Variants in SORL1-AS1 observed in about 807,000 individuals in gnomAD.
The protein encoded by SORL1-AS1 is lncRNA 51 A.
At chr11:121,439,596 C>T in the SORL1-AS1 span, among the ~76,000 whole-genome samples, 42 of 151,902 alleles carry the variant, frequency 2.8e-4, no homozygotes, top group African/African-American at 9.7e-4. Context: ...GCAGCTTTGT[C>T]GGTAAAATAA....
At chr11:121,445,768 T>G (rs367874562), downstream of SORL1-AS1, among the ~76,000 whole-genome samples, 1 of 152,048 alleles carries the variant, frequency 6.6e-6, no homozygotes, top group South Asian at 2.1e-4. Flanking sequence ...TCATCTTTTT[T>G]CCCCCCAAGA....
downstream of SORL1-AS1, among the ~76,000 whole-genome samples, chr11:121,443,302 G>A (rs560920514): frequency 2.6e-5 from 4 of 152,312 alleles, no homozygotes; most frequent in Admixed American, 2.0e-4. Context: ...ATGAATTCCC[G>A]ATTAGGACAA....
exon 2 of SORL1-AS1, chr11:121,448,118 T>C (rs1295360747): frequency 6.6e-6 from 1 of 152,228 alleles, no homozygotes; most frequent in Admixed American, 6.5e-5. Context: ...AATTCTCGCT[T>C]TGGCCCACTT....
chr11:121,444,121 A>G (rs1860696771), downstream of SORL1-AS1, among the ~76,000 whole-genome samples: 1 of 151,512 alleles, frequency 6.6e-6, no homozygotes, highest in Non-Finnish European at 1.5e-5. Context: ...TCTGTGTGTC[A>G]GAGAGAAAGA....
At chr11:121,439,659 C>T in the SORL1-AS1 span, among the ~76,000 whole-genome samples, 6 of 152,070 alleles carry the variant, frequency 3.9e-5, no homozygotes, top group Non-Finnish European at 7.4e-5. Flanking sequence ...AGCACAAATA[C>T]AGCACTGAGT....
At chr11:121,446,813 G>C (rs555531546), downstream of SORL1-AS1, among the ~76,000 whole-genome samples, 1 of 151,510 alleles carries the variant, frequency 6.6e-6, no homozygotes, top group Non-Finnish European at 1.5e-5. Flanking sequence ...TAGTCTGACT[G>C]TCTGCTTTCC....
At chr11:121,447,397 T>C in exon 2 of SORL1-AS1, 1 of 149,812 alleles carries the variant, frequency 6.7e-6, no homozygotes. Flanking sequence ...ACTGCAGCCC[T>C]GACCTCCTGG....
chr11:121,441,670 C>T, the SORL1-AS1 span, among the ~76,000 whole-genome samples: 1 of 152,086 alleles, frequency 6.6e-6, no homozygotes, highest in Admixed American at 6.5e-5. Flanking sequence ...CTTTCTCCTT[C>T]CCACTGGGTG....
chr11:121,451,817 G>GTGGGGA (rs1466847755), intron 1 of SORL1-AS1, among the ~76,000 whole-genome samples: 1 of 152,202 alleles, frequency 6.6e-6, no homozygotes, highest in African/African-American at 2.4e-5. Context: ...TTCCCTGGAG[G>GTGGGGA]TGGGGATGAG....
chr11:121,452,868 T>G lies in SORL1-AS1; in HGVS notation n.146A>C. The G allele has an allele frequency of 2.4e-6, 1 of 413,430 alleles. No individual in the cohort carries two copies. The highest frequency in any genetic ancestry group is 4.3e-6 in the Non-Finnish European group (1 of 233,556). 25.6% of individuals were successfully genotyped at this position (413,430 alleles called of 1,614,324 possible). ...GCAGTGCGTATTACCCCAGGGTGTGTGCAGAGAGATGTAGTTTCCGGCAGG... is the reference window on the plus strand; with the variant it reads ...GCAGTGCGTATTACCCCAGGGTGTGGGCAGAGAGATGTAGTTTCCGGCAGG... On this transcript the variant is annotated non_coding_transcript_exon_variant, in exon 1 of 2. Transcript: ENST00000501964. This position sits in a 1 kb window ranked among gnomAD's most constrained non-coding sequence, Gnocchi z 5.3.
Position 121,452,324 on chromosome 11 carries a change from G to A in SORL1-AS1, n.339+351C>T. ...GGCGGCGCCACCTGCAGTAGCGTTCGCCCGAACATGGCGACACGGAGCAGC... is the reference window on the plus strand; with the variant it reads ...GGCGGCGCCACCTGCAGTAGCGTTCACCCGAACATGGCGACACGGAGCAGC... On this transcript the variant is annotated intron_variant and non_coding_transcript_variant, in intron 1 of 1. Transcript: ENST00000501964. This position sits in a 1 kb window ranked among gnomAD's most constrained non-coding sequence, Gnocchi z 5.3. 7 of 1,528,272 alleles carry A rather than the reference G, an allele frequency of 4.6e-6. No homozygotes were observed. The highest frequency in any genetic ancestry group is 6.1e-6 in the Non-Finnish European group (7 of 1,141,750). The allele number at this position is 1,528,272 out of a possible 1,614,324, so 94.7% of individuals were successfully genotyped here.
chr11:121,445,223 C>T (rs1025986727), downstream of SORL1-AS1, among the ~76,000 whole-genome samples: 5 of 152,150 alleles, frequency 3.3e-5, no homozygotes, highest in Admixed American at 6.5e-5. Context: ...TTAGAGAAGG[C>T]GCACAGTGAG....
At chr11:121,449,570 CA>C (rs1325765720) in exon 2 of SORL1-AS1, 55 of 152,246 alleles carry the variant, frequency 3.6e-4, no homozygotes, top group African/African-American at 1.2e-3. Context: ...ATGATCAAGA[CA>C]AAAAATTACA....
chr11:121,442,676 TA>T (rs1221956455), downstream of SORL1-AS1, among the ~76,000 whole-genome samples: 1 of 146,256 alleles, frequency 6.8e-6, no homozygotes, highest in Non-Finnish European at 1.5e-5. Context: ...TTTATTTATT[TA>T]TTTATTTATT....
chr11:121,441,066 C>T, the SORL1-AS1 span, among the ~76,000 whole-genome samples: 2 of 152,150 alleles, frequency 1.3e-5, no homozygotes, highest in Non-Finnish European at 2.9e-5. Context: ...GTTTTAGAAG[C>T]GAGTCCCAGG....
Position 121,450,050 on chromosome 11 carries a change from C to T in SORL1-AS1, n.340-151G>A, listed in dbSNP as rs1860770004. Among the ~76,000 whole-genome samples, 1 of 152,186 alleles carries T rather than the reference C, an allele frequency of 6.6e-6. No individual in the cohort carries two copies. The highest frequency in any genetic ancestry group is 1.5e-5 in the Non-Finnish European group (1 of 68,032). On this transcript the variant is annotated intron_variant and non_coding_transcript_variant, in intron 1 of 1. Transcript: ENST00000501964. The surrounding 1 kb of genome is among the most constrained non-coding windows in gnomAD (Gnocchi z 5.2). ...AGTAGCTGGCCCTGCCCTACTAGTC[C>T]TTCTGTGCAAGGGGCCATCTGAACC... is the stretch of plus-strand genomic sequence containing the variant.
In SORL1-AS1 at chr11:121,452,614, C is replaced by G; in HGVS notation, n.339+61G>C. 6.7e-7 allele frequency: 1 copy of G among 1,482,752 alleles called. No individual in the cohort carries two copies. The allele number at this position is 1,482,752 out of a possible 1,614,324, so 91.8% of individuals were successfully genotyped here. A position where few individuals can be genotyped will look rare whatever the true frequency, so the allele number is the denominator to read the frequency against. On this transcript the variant is annotated intron_variant and non_coding_transcript_variant, in intron 1 of 1. Transcript: ENST00000501964. The surrounding 1 kb of genome is among the most constrained non-coding windows in gnomAD (Gnocchi z 5.3). ...GCCCGAGCCCATCAAGGTGTACGGACAGGTGAGCAGTTTTGCAACCCGCCT... is the reference window on the plus strand; with the variant it reads ...GCCCGAGCCCATCAAGGTGTACGGAGAGGTGAGCAGTTTTGCAACCCGCCT...
downstream of SORL1-AS1, among the ~76,000 whole-genome samples, chr11:121,444,253 G>A (rs1860698066): frequency 6.6e-6 from 1 of 152,184 alleles, no homozygotes; most frequent in African/African-American, 2.4e-5. Flanking sequence ...TTGCTGAATG[G>A]CCAAATTGAT....
chr11:121,442,685 A>ATTTT (rs1169846649), downstream of SORL1-AS1, among the ~76,000 whole-genome samples: 6 of 138,250 alleles, frequency 4.3e-5, no homozygotes, highest in South Asian at 7.0e-4. Context: ...TTATTTATTT[A>ATTTT]TTTATTTTTT....
Sources: allele counts gnomAD v4.1 joint callset (sites outside exome capture counted in the v4.1 genomes callset), GRCh38; gene constraint gnomAD v4.1.1; non-coding constraint Gnocchi (gnomAD v3.1); transcripts MANE v1.5; gene names NCBI Gene and HGNC (gene_info 2026-07-23, HGNC 2026-07-21).